The following TENM4 variants were observed in gnomAD, a reference collection of about 807,000 sequenced individuals.
TENM4 encodes teneurin-4.
Under a neutral mutation model 243.3 loss-of-function variants are expected in TENM4, and 82 were observed. That is an observed-to-expected ratio of 0.34 (90% CI 0.28 to 0.40). The LOEUF (loss-of-function observed/expected upper bound fraction) is 0.40, where lower values mean the gene tolerates loss of function less well. Ranked by LOEUF, TENM4 falls within the 10% of genes least tolerant of loss-of-function variation. The pLI is 1.00. For missense variants in TENM4, 3,138 were observed against 3,673.3 expected, an observed-to-expected ratio of 0.85 and a Z score of 3.77; for synonymous variants, 1,412 against 1,456.3, an observed-to-expected ratio of 0.97 and a Z score of 0.69.
intron 9 of TENM4, among the ~76,000 whole-genome samples, chr11:78,879,599 G>T (rs1487038433): frequency 6.6e-5 from 9 of 136,048 alleles, no homozygotes; most frequent in African/African-American, 2.3e-4. Flanking sequence ...GGGATGTGGG[G>T]AGTGCCTCTG....
Position 78,658,765 on chromosome 11 carries a change from T to A in TENM4, c.7603A>T (p.Thr2535Ser). The change falls in exon 34 of 34, where the codon ACC becomes TCC. Residue 2535 changes from threonine to serine, a missense_variant. By Grantham distance (58) the Thr-to-Ser change is moderately conservative. Transcript: ENST00000278550. ...EVQKQLKAFV[T>S]LERFDQLYGS... ...TAGAGCTGGTCAAACCGTTCTAAGG[T>A]GACAAAGGCCTTGAGCTGCTTCTGT... 6.2e-7 allele frequency: 1 copy of A among 1,613,806 alleles called. No homozygotes were observed. Among genetic ancestry groups the A allele is most frequent in the Non-Finnish European group, 8.5e-7 (1 of 1,179,848 alleles).
intron 6 of TENM4, among the ~76,000 whole-genome samples, chr11:78,977,760 C>A (rs372607996): frequency 2.0e-5 from 3 of 152,110 alleles, no homozygotes; most frequent in African/African-American, 7.2e-5. Context: ...TTGGTGGAAG[C>A]GTAAATTAGT....
At position 78,656,729 on chromosome 11, in the gene TENM4, CT is replaced by C. The variant is rs1282277831; in HGVS notation, c.*1328del. On this transcript the variant is annotated 3_prime_UTR_variant, in exon 34 of 34. Coordinates refer to ENST00000278550, the MANE Select transcript of TENM4 (RefSeq NM_001098816.3). The stretch of plus-strand genomic sequence containing the variant: ...GCCACACCACATCAGCTCTTCCCTC[CT>C]TTCTTCCTGTCACTAAAAAACACAT... 1 of 286,448 alleles carries C rather than the reference CT, an allele frequency of 3.5e-6. No individual in the cohort carries two copies. The allele number at this position is 286,448 out of a possible 1,614,324, so 17.7% of individuals were successfully genotyped here. A position where few individuals can be genotyped will look rare whatever the true frequency, so the allele number is the denominator to read the frequency against.
At chr11:78,723,987 T>TTTTC (rs375873132) in intron 23 of TENM4, among the ~76,000 whole-genome samples, 1,547 of 151,874 alleles carry the variant, frequency 0.01, 23 homozygotes, top group African/African-American at 0.031. Flanking sequence ...TTTCTTTTCT[T>TTTTC]TTTCTTTCTT....
At position 78,805,444 on chromosome 11, in the gene TENM4, C is replaced by T; in HGVS notation, c.2027G>A (p.Gly676Asp). Residue 676 changes from glycine to aspartate, a missense_variant, in exon 15 of 34, where the codon GGC (glycine) becomes GAC (aspartate). Around this residue, in one of 2 missense-constraint regions of TENM4, gnomAD observed 2,467 missense variants for 3,059.1 expected, o/e 0.81. Coordinates refer to ENST00000278550, the MANE Select transcript of TENM4 (RefSeq NM_001098816.3). ...CCATCCCACAGAGCAGTGGCATTCG[C>T]CTCTCACGCAGACACCCCGGCCTGA... ...TCSGRGVCVR[G>D]ECHCSVGWGG... 6.3e-7 allele frequency: 1 copy of T among 1,598,116 alleles called. No homozygotes were observed. Among genetic ancestry groups the T allele is most frequent in the Non-Finnish European group, 8.5e-7 (1 of 1,172,200 alleles).
At chr11:78,710,947 A>G (rs545125948) in intron 26 of TENM4, among the ~76,000 whole-genome samples, 69 of 152,326 alleles carry the variant, frequency 4.5e-4, no homozygotes, top group Non-Finnish European at 7.5e-4. Context: ...TAAACCTAAG[A>G]GAGTAGAATG....
intron 1 of TENM4, among the ~76,000 whole-genome samples, chr11:79,405,222 G>A (rs956908518): frequency 6.6e-6 from 1 of 151,792 alleles, no homozygotes; most frequent in East Asian, 1.9e-4. Context: ...TATTTCTTCC[G>A]AGGCTTATGA....
At chr11:78,823,807 A>G (rs1857790396) in intron 12 of TENM4, among the ~76,000 whole-genome samples, 1 of 152,240 alleles carries the variant, frequency 6.6e-6, no homozygotes, top group African/African-American at 2.4e-5. Context: ...TGCCCCTTGC[A>G]ACGGAAAAAA....
At chr11:78,816,564 A>C (rs1293200699) in intron 12 of TENM4, among the ~76,000 whole-genome samples, 1 of 152,208 alleles carries the variant, frequency 6.6e-6, no homozygotes, top group Non-Finnish European at 1.5e-5. Flanking sequence ...GCTTGGAGGG[A>C]TCCTAGAGAC....
chr11:79,030,412 T>A (rs866728101), intron 6 of TENM4, among the ~76,000 whole-genome samples: 2 of 152,178 alleles, frequency 1.3e-5, no homozygotes, highest in South Asian at 2.1e-4. Context: ...TTGGCTGAGA[T>A]GCTAGGTTGG....
chr11:79,175,905 G>A (rs1319976086), intron 3 of TENM4, among the ~76,000 whole-genome samples: 1 of 152,052 alleles, frequency 6.6e-6, no homozygotes, highest in Non-Finnish European at 1.5e-5. Flanking sequence ...GGCAACACAA[G>A]GAGACCATGT....
intron 6 of TENM4, among the ~76,000 whole-genome samples, chr11:78,949,209 T>C (rs1857066758): frequency 6.6e-6 from 1 of 152,226 alleles, no homozygotes; most frequent in African/African-American, 2.4e-5. Flanking sequence ...GTCACATGGA[T>C]GCCAAACTCA....
At chr11:78,768,572 C>A (rs960429371) in intron 18 of TENM4, among the ~76,000 whole-genome samples, 1 of 152,214 alleles carries the variant, frequency 6.6e-6, no homozygotes, top group African/African-American at 2.4e-5. Flanking sequence ...GTACCCTGGA[C>A]AGGGCCTGAT....
intron 3 of TENM4, among the ~76,000 whole-genome samples, chr11:79,171,330 G>A (rs979806254): frequency 2.6e-5 from 4 of 152,178 alleles, no homozygotes; most frequent in African/African-American, 9.7e-5. Flanking sequence ...TCCTTAAGAA[G>A]GAAAGGCAGC....
chr11:79,407,510 C>T (rs546158564), intron 1 of TENM4, among the ~76,000 whole-genome samples: 1 of 152,290 alleles, frequency 6.6e-6, no homozygotes, highest in South Asian at 2.1e-4. Flanking sequence ...AGACTTGGAA[C>T]CAAGGCTTAC....
chr11:79,298,951 A>C (rs186003065), intron 1 of TENM4, among the ~76,000 whole-genome samples: 29 of 152,330 alleles, frequency 1.9e-4, no homozygotes, highest in African/African-American at 6.3e-4. Context: ...TATGAAAAGC[A>C]ACCTTGCAAC....
chr11:78,972,807 C>A (rs1857574362), intron 6 of TENM4, among the ~76,000 whole-genome samples: 1 of 152,196 alleles, frequency 6.6e-6, no homozygotes, highest in African/African-American at 2.4e-5. Context: ...AAGAGAAACT[C>A]CACACTCATT....
chr11:78,961,970 G>A (rs1416281947), intron 6 of TENM4, among the ~76,000 whole-genome samples: 1 of 152,152 alleles, frequency 6.6e-6, no homozygotes, highest in Admixed American at 6.5e-5. Flanking sequence ...CAGCGGCGCC[G>A]CGGGGCAAGA....
chr11:79,103,889 T>C (rs956003160), intron 4 of TENM4, among the ~76,000 whole-genome samples: 1 of 152,208 alleles, frequency 6.6e-6, no homozygotes, highest in Non-Finnish European at 1.5e-5. Flanking sequence ...ATGGGTCCTA[T>C]GGTTTTTTGA....
Sources: allele counts gnomAD v4.1 joint callset (sites outside exome capture counted in the v4.1 genomes callset), GRCh38; gene constraint gnomAD v4.1.1; regional missense constraint gnomAD v4.1.1; transcripts MANE v1.5; gene names NCBI Gene and HGNC (gene_info 2026-07-23, HGNC 2026-07-21).